The following MYT1 variants were observed in gnomAD, a reference collection of about 807,000 sequenced individuals.
The protein encoded by MYT1 is myelin transcription factor 1.
Under a neutral mutation model 123.0 loss-of-function variants are expected in MYT1, and 23 were observed. That is an observed-to-expected ratio of 0.19 (90% CI 0.13 to 0.26). The LOEUF is 0.26. Ranked by LOEUF, MYT1 falls within the 10% of genes least tolerant of loss-of-function variation. The probability of loss-of-function intolerance (pLI) is 1.00; values close to 1 mark genes in which losing one functional copy is unlikely to be tolerated. For synonymous variants in MYT1, 518 were observed against 575.3 expected (o/e 0.90, Z 1.43); for missense variants, 1,125 against 1,472.5 (o/e 0.76, Z 3.86).
rs761900241 is a variant in MYT1, at chr20:64,198,906, G to A, written c.45G>A (p.Lys15=). The A allele has an allele frequency of 6.2e-7, 1 of 1,614,058 alleles. No homozygotes were observed. The highest frequency in any genetic ancestry group is 2.2e-5 in the East Asian group (1 of 44,872). Residue 15 remains lysine (K), a synonymous_variant, in exon 3 of 23, where the codon AAG becomes AAA. Coordinates refer to ENST00000328439, the MANE Select transcript of MYT1 (RefSeq NM_004535.3). ...ACAAGCGAGCTCGCACCCGATCCAA[G>A]GCCCTGCGAGGTGAGTGCCGCCCTC... ...NEDKRARTRS[K]ALRGPPETTA...
At position 64,242,139 on chromosome 20, in the gene MYT1, C is replaced by T. The variant is rs964638275; in HGVS notation, c.*1691C>T. On this transcript the variant is annotated 3_prime_UTR_variant, in exon 23 of 23. Coordinates refer to ENST00000328439, the MANE Select transcript of MYT1 (RefSeq NM_004535.3). ...AGGCTCACAGGCTGTGCCACCCGTCCCTCCGACAGCTCCAATACTGTGACC... is the reference window on the plus strand; with the variant it reads ...AGGCTCACAGGCTGTGCCACCCGTCTCTCCGACAGCTCCAATACTGTGACC... 2.0e-5 allele frequency: 3 copies of T among 152,606 alleles called. No individual in the cohort carries two copies. The highest frequency in any genetic ancestry group is 4.8e-5 in the African/African-American group (2 of 41,426). The allele number at this position is 152,606 out of a possible 1,614,324, so 9.5% of individuals were successfully genotyped here. A position where few individuals can be genotyped will look rare whatever the true frequency, so the allele number is the denominator to read the frequency against.
At chr20:64,173,306 A>G (rs1465299523) in intron 1 of MYT1, among the ~76,000 whole-genome samples, 1 of 152,158 alleles carries the variant, frequency 6.6e-6, no homozygotes, top group African/African-American at 2.4e-5. Context: ...CAGCAGTCAC[A>G]GACAGAGGTG....
chr20:64,183,163 CTT>C (rs1043371868), intron 1 of MYT1, among the ~76,000 whole-genome samples: 22 of 152,226 alleles, frequency 1.4e-4, no homozygotes, highest in African/African-American at 5.3e-4. Context: ...TCCCTGGCCT[CTT>C]TCACTGAACA....
At chr20:64,171,433 C>A (rs1244560924) in intron 1 of MYT1, among the ~76,000 whole-genome samples, 1 of 152,232 alleles carries the variant, frequency 6.6e-6, no homozygotes, top group African/African-American at 2.4e-5. Flanking sequence ...GGGCCCTGCA[C>A]CTCTTCCCTG....
In MYT1 at chr20:64,166,788, G is replaced by A. The variant is rs1982096257; in HGVS notation, c.-99+2049G>A. On this transcript the variant is annotated intron_variant, in intron 1 of 22. Coordinates refer to ENST00000328439, the MANE Select transcript of MYT1 (RefSeq NM_004535.3). This position sits in a 1 kb window ranked among gnomAD's most constrained non-coding sequence, Gnocchi z 4.9. ...CCATGTGGGATGCAAAGTTGCTCTGGTCTGGGGGTTGCAGCAGCCTCTACT... is the reference window on the plus strand; with the variant it reads ...CCATGTGGGATGCAAAGTTGCTCTGATCTGGGGGTTGCAGCAGCCTCTACT... Among the ~76,000 whole-genome samples the A allele has an allele frequency of 6.6e-6, 1 of 152,210 alleles. No homozygotes were observed. The highest frequency in any genetic ancestry group is 1.9e-4 in the East Asian group (1 of 5,194).
intron 10 of MYT1, among the ~76,000 whole-genome samples, chr20:64,214,389 ATG>A (rs1983778892): frequency 6.6e-6 from 1 of 152,216 alleles, no homozygotes; most frequent in South Asian, 2.1e-4. Flanking sequence ...GTGCAAGTCC[ATG>A]TGTGTGTGCA....
At chr20:64,181,855 G>A (rs1436267995) in intron 1 of MYT1, among the ~76,000 whole-genome samples, 1 of 152,220 alleles carries the variant, frequency 6.6e-6, no homozygotes, top group Non-Finnish European at 1.5e-5. Flanking sequence ...CAGGAGCCAT[G>A]TGACATGGAT....
At chr20:64,205,313 G>A (rs970028901) in intron 5 of MYT1, among the ~76,000 whole-genome samples, 5 of 140,510 alleles carry the variant, frequency 3.6e-5, no homozygotes, top group African/African-American at 9.8e-5. Flanking sequence ...CTCCCGCGAG[G>A]CAGCGACTTC....
In MYT1 at chr20:64,189,582, C is replaced by T. The variant is rs1427999428; in HGVS notation, c.-98-481C>T. On this transcript the variant is annotated intron_variant, in intron 1 of 22. Coordinates refer to ENST00000328439, the MANE Select transcript of MYT1 (RefSeq NM_004535.3). The surrounding 1 kb of genome is among the most constrained non-coding windows in gnomAD (Gnocchi z 5.5). ...ATGGGTGGATCTCACTTTCTTCAAT[C>T]AATGGGCTCCAGAGAAGTCGTGCAA... is the stretch of plus-strand genomic sequence containing the variant. Among the ~76,000 whole-genome samples, 1 of 152,182 alleles carries T rather than the reference C, an allele frequency of 6.6e-6. No individual in the cohort carries two copies. The highest frequency in any genetic ancestry group is 2.4e-5 in the African/African-American group (1 of 41,440).
At chr20:64,180,195 C>T (rs1304466662) in intron 1 of MYT1, among the ~76,000 whole-genome samples, 2 of 152,028 alleles carry the variant, frequency 1.3e-5, no homozygotes, top group African/African-American at 2.4e-5. Flanking sequence ...TACAGTTATA[C>T]ACACATGCTA....
At chr20:64,215,883 C>T (rs542623881) in intron 10 of MYT1, among the ~76,000 whole-genome samples, 1 of 152,094 alleles carries the variant, frequency 6.6e-6, no homozygotes, top group Non-Finnish European at 1.5e-5. Context: ...ACATAAGCCA[C>T]CATACCTGAC....
In MYT1 at chr20:64,213,187, G is replaced by C. The variant is rs559467174; in HGVS notation, c.1518-347G>C. The stretch of plus-strand genomic sequence containing the variant: ...CTGCAAGCTGGGAAGGGAGAGGAAG[G>C]GGGTGAGGGCAAGCCTGTCTCCCAG... On this transcript the variant is annotated intron_variant, in intron 9 of 22. Transcript: ENST00000328439. The surrounding 1 kb of genome is among the most constrained non-coding windows in gnomAD (Gnocchi z 5.6). Among the ~76,000 whole-genome samples the C allele has an allele frequency of 1.3e-5, 2 of 152,146 alleles. No homozygotes were observed. The highest frequency in any genetic ancestry group is 2.9e-5 in the Non-Finnish European group (2 of 68,036).
intron 3 of MYT1, 51 bp downstream of exon 3, chr20:64,198,967 C>A: frequency 6.3e-7 from 1 of 1,596,036 alleles, no homozygotes. Flanking sequence ...CTTTCCTCCG[C>A]GGTCTTCCTC....
At chr20:64,217,625 C>T (rs1224313974) in intron 11 of MYT1, among the ~76,000 whole-genome samples, 2 of 152,268 alleles carry the variant, frequency 1.3e-5, no homozygotes, top group East Asian at 3.8e-4. Flanking sequence ...GGAGACGCCA[C>T]TCTCCCCACT....
rs1210371716 is a variant in MYT1 at position 64,213,289 on chromosome 20, A to G, written c.1518-245A>G. ...TATTTCATCTTTGTGTGTCCTTGGC[A>G]TAGAATGTTCCAAAACAGAAACTGA... On this transcript the variant is annotated intron_variant, in intron 9 of 22. Transcript: ENST00000328439. This position sits in a 1 kb window ranked among gnomAD's most constrained non-coding sequence, Gnocchi z 5.6. Among the ~76,000 whole-genome samples, 2 of 152,198 alleles carry G rather than the reference A, an allele frequency of 1.3e-5. No individual in the cohort carries two copies. Among genetic ancestry groups the G allele is most frequent in the African/African-American group, 4.8e-5 (2 of 41,444 alleles).
At position 64,213,513 on chromosome 20, in the gene MYT1, C is replaced by G; in HGVS notation, c.1518-21C>G. On this transcript the variant is annotated intron_variant, in intron 9 of 22. Transcript: ENST00000328439. The surrounding 1 kb of genome is among the most constrained non-coding windows in gnomAD (Gnocchi z 5.6). ...GGCATGGAGGGGAAGGCTCAGAAAC[C>G]CCTCCTCTTCCTTCCTCTAGTTTGT... 1.3e-5 allele frequency: 20 copies of G among 1,582,480 alleles called. No homozygotes were observed. Among genetic ancestry groups the G allele is most frequent in the Non-Finnish European group, 1.6e-5 (19 of 1,151,680 alleles).
intron 1 of MYT1, among the ~76,000 whole-genome samples, chr20:64,169,156 G>C (rs1982169219): frequency 6.6e-6 from 1 of 152,188 alleles, no homozygotes; most frequent in Non-Finnish European, 1.5e-5. Context: ...AGAGCTGCCA[G>C]TGGCTGACCT....
At chr20:64,238,111 G>GAA (rs11471444) in intron 21 of MYT1, among the ~76,000 whole-genome samples, 25 of 148,916 alleles carry the variant, frequency 1.7e-4, no homozygotes, top group African/African-American at 5.7e-4. Flanking sequence ...TTTGTAATCA[G>GAA]AAAAAAAAAA....
At chr20:64,200,727 T>C (rs774384977) in intron 4 of MYT1, among the ~76,000 whole-genome samples, 2 of 152,020 alleles carry the variant, frequency 1.3e-5, no homozygotes, top group Non-Finnish European at 2.9e-5. Flanking sequence ...GTTTGTGAAG[T>C]GGGGAAACGG....
Sources: gnomAD v4.1 joint callset for allele counts (sites outside exome capture counted in the v4.1 genomes callset) on GRCh38, gnomAD v4.1.1 for gene constraint, Gnocchi (gnomAD v3.1) non-coding constraint, MANE v1.5 for transcripts, NCBI Gene and HGNC (gene_info 2026-07-23, HGNC 2026-07-21) for gene names.